Variants in HS2ST1 observed in about 807,000 individuals in gnomAD.
The protein encoded by HS2ST1 is 2-O-sulfotransferase.
A neutral mutation model predicts 42.9 loss-of-function variants in HS2ST1; 18 were observed. That is an observed-to-expected ratio of 0.42 (90% CI 0.29 to 0.62). The LOEUF is 0.62. HS2ST1 is among the 20% of genes least tolerant of loss of function. The pLI, the probability that HS2ST1 is intolerant of heterozygous loss-of-function variation, is 0.21. For missense variants in HS2ST1, 334 were observed against 433.8 expected (o/e 0.77, Z 2.04); for synonymous variants, 146 against 152.9 (o/e 0.95, Z 0.33).
chr1:87,090,400 A>G lies in HS2ST1; in HGVS notation c.450-2131A>G, dbSNP rs1271362813. 1.3e-5 allele frequency among the ~76,000 whole-genome samples: 2 copies of G among 152,038 alleles called. 1 individual carries two copies. ...AAAAAAAACTGTGAAAGAAAATTTT[A>G]CTGCACTATTGGTACTATGCCTACC... On this transcript the variant is annotated intron_variant, in intron 3 of 6. Transcript: ENST00000370550.
At chr1:87,049,957 A>G (rs1001321473) in intron 1 of HS2ST1, among the ~76,000 whole-genome samples, 1 of 151,946 alleles carries the variant, frequency 6.6e-6, no homozygotes, top group African/African-American at 2.4e-5. Flanking sequence ...TAGGATTGTT[A>G]TGTCTTTTTG....
At chr1:87,051,743 C>T (rs893368733) in intron 1 of HS2ST1, among the ~76,000 whole-genome samples, 2 of 152,044 alleles carry the variant, frequency 1.3e-5, no homozygotes, top group Non-Finnish European at 2.9e-5. Context: ...GTTGAAGTGT[C>T]ACTAGTAAAG....
chr1:87,081,525 A>T (rs971880564), intron 2 of HS2ST1, among the ~76,000 whole-genome samples: 3 of 152,222 alleles, frequency 2.0e-5, no homozygotes, highest in Non-Finnish European at 2.9e-5. Context: ...AATGTATGGG[A>T]TACAGCAAAA....
Position 87,073,073 on chromosome 1 carries a change from A to G in HS2ST1, c.264A>G (p.Ser88=), listed in dbSNP as rs764106980. The change falls in exon 2 of 7, where the codon TCA becomes TCG. Residue 88 remains serine (S), a synonymous_variant. Coordinates refer to ENST00000370550, the MANE Select transcript of HS2ST1 (RefSeq NM_012262.4). Reference sequence around the variant, plus strand: ...GAGTTCCCAAAACGGCAAGCACTTCATTTACCAATATCGCCTATGACCTGT... The same window carrying G: ...GAGTTCCCAAAACGGCAAGCACTTCGTTTACCAATATCGCCTATGACCTGT... The part of the protein sequence containing the change: ...YNRVPKTAST[S]FTNIAYDLCA... 3.0e-5 allele frequency: 48 copies of G among 1,613,978 alleles called. No individual in the cohort carries two copies. The highest frequency in any genetic ancestry group is 3.6e-5 in the Non-Finnish European group (43 of 1,179,950).
At chr1:87,035,996 C>T (rs760451141) in intron 1 of HS2ST1, among the ~76,000 whole-genome samples, 24 of 151,496 alleles carry the variant, frequency 1.6e-4, no homozygotes, top group Non-Finnish European at 2.1e-4. Flanking sequence ...TGACAGGCCC[C>T]GATGTGTGAT....
intron 1 of HS2ST1, among the ~76,000 whole-genome samples, chr1:87,011,971 T>C (rs1649608954): frequency 6.6e-6 from 1 of 152,238 alleles, no homozygotes; most frequent in Admixed American, 6.5e-5. Context: ...TTTTTTGTAT[T>C]TGCATAGTAA....
chr1:86,961,084 G>A (rs1463197646), intron 1 of HS2ST1, among the ~76,000 whole-genome samples: 1 of 151,610 alleles, frequency 6.6e-6, no homozygotes, highest in Non-Finnish European at 1.5e-5. Context: ...ATATTATCTA[G>A]CCATAAAAAG....
intron 1 of HS2ST1, among the ~76,000 whole-genome samples, chr1:86,978,768 C>T (rs1215487521): frequency 6.6e-6 from 1 of 151,188 alleles, no homozygotes; most frequent in African/African-American, 2.4e-5. Context: ...AAAATAGATG[C>T]AGGACTGTAT....
chr1:87,008,553 G>A (rs555905929), intron 1 of HS2ST1, among the ~76,000 whole-genome samples: 141 of 152,360 alleles, frequency 9.3e-4, no homozygotes, highest in African/African-American at 3.2e-3. Context: ...CAGTTCTTAA[G>A]CGAACTTTCT....
intron 1 of HS2ST1, among the ~76,000 whole-genome samples, chr1:87,017,127 T>TTCTC (rs971891520): frequency 1.3e-5 from 2 of 151,122 alleles, no homozygotes; most frequent in Non-Finnish European, 3.0e-5. Flanking sequence ...GTAGCAGCCT[T>TTCTC]TCTCTCTCTC....
rs1378979806 is a variant in HS2ST1 at position 87,107,366 on chromosome 1, G to A, written c.*2670G>A. 3.9e-5 allele frequency: 6 copies of A among 151,934 alleles called. No homozygotes were observed. The East Asian group carries it at 1.2e-3, about 29-fold the overall frequency. The allele number at this position is 151,934 out of a possible 1,614,324, so 9.4% of individuals were successfully genotyped here. On this transcript the variant is annotated 3_prime_UTR_variant, in exon 7 of 7. Transcript: ENST00000370550. ...CATTTATTTTATCATATTTTAGGGT[G>A]GGTTAGGAGTATCCTTTCTGGAGAC... is the stretch of plus-strand genomic sequence containing the variant.
At chr1:86,980,015 C>T (rs180959907) in intron 1 of HS2ST1, among the ~76,000 whole-genome samples, 1 of 152,232 alleles carries the variant, frequency 6.6e-6, no homozygotes, top group East Asian at 1.9e-4. Flanking sequence ...AGACAAATTA[C>T]TTAGATAAGG....
intron 1 of HS2ST1, among the ~76,000 whole-genome samples, chr1:86,936,955 A>T (rs77195776): frequency 1.3e-5 from 2 of 149,892 alleles, no homozygotes; most frequent in Non-Finnish European, 3.0e-5. Flanking sequence ...AAAAAAAAAA[A>T]TTAGCCGGGC....
At chr1:87,016,222 G>A (rs1361099391) in intron 1 of HS2ST1, among the ~76,000 whole-genome samples, 2 of 152,128 alleles carry the variant, frequency 1.3e-5, no homozygotes, top group Non-Finnish European at 2.9e-5. Flanking sequence ...AAAGTCAAAG[G>A]TGCTAATCCA....
chr1:86,980,437 T>TG (rs1169036333), intron 1 of HS2ST1, among the ~76,000 whole-genome samples: 1 of 152,120 alleles, frequency 6.6e-6, no homozygotes, highest in African/African-American at 2.4e-5. Context: ...GTCAACAAAA[T>TG]GCTAACAATG....
At chr1:87,051,234 T>C (rs149669929) in intron 1 of HS2ST1, among the ~76,000 whole-genome samples, 2 of 152,120 alleles carry the variant, frequency 1.3e-5, no homozygotes, top group African/African-American at 4.8e-5. Context: ...TTTTTTTCAG[T>C]TTTCGTGGTT....
intron 1 of HS2ST1, among the ~76,000 whole-genome samples, chr1:87,036,352 G>C (rs1185578306): frequency 6.6e-6 from 1 of 152,084 alleles, no homozygotes; most frequent in Non-Finnish European, 1.5e-5. Context: ...GTATTTCTGG[G>C]TCTAGATCCT....
intron 1 of HS2ST1, chr1:86,932,166 G>A (rs1163920655): frequency 6.6e-6 from 1 of 152,048 alleles, no homozygotes. Context: ...TAACATTAAG[G>A]GCTAAAGTGA....
At chr1:86,993,153 C>T in intron 1 of HS2ST1, 1 of 1,593,508 alleles carries the variant, frequency 6.3e-7, no homozygotes, top group Non-Finnish European at 8.6e-7. Flanking sequence ...GTAGCATGTC[C>T]TAAACCCTCA....
Sources: allele counts gnomAD v4.1 joint callset (sites outside exome capture counted in the v4.1 genomes callset), GRCh38; gene constraint gnomAD v4.1.1; transcripts MANE v1.5; gene names NCBI Gene and HGNC (gene_info 2026-07-23, HGNC 2026-07-21).